The following KLF17 variants were observed in gnomAD, a reference collection of about 807,000 sequenced individuals.
KLF17 encodes KLF transcription factor 17, also known as Krueppel-like factor 17.
KLF17 carries 31 observed loss-of-function variants against 34.2 expected under a neutral mutation model. The ratio of observed to expected loss-of-function variants is 0.91; its 90% CI spans 0.68 to 1.22. The LOEUF is 1.22. KLF17 is among the 50% of genes most tolerant of loss of function. The pLI is 0.00. For synonymous variants in KLF17, 179 were observed against 186.7 expected (o/e 0.96, Z 0.34); for missense variants, 478 against 505.2 (o/e 0.95, Z 0.52).
At chr1:44,124,021 T>C (rs2154311510) in intron 1 of KLF17, among the ~76,000 whole-genome samples, 1 of 152,272 alleles carries the variant, frequency 6.6e-6, no homozygotes, top group South Asian at 2.1e-4. Flanking sequence ...GAATGTCCCA[T>C]GAACACTTTC....
the KLF17 span, chr1:44,104,511 C>A: frequency 5.4e-6 from 4 of 740,710 alleles, no homozygotes; most frequent in Admixed American, 1.8e-5. Flanking sequence ...CTCCTGGGTG[C>A]GCATGGCCTG....
At chr1:44,080,873 C>T in the KLF17 span, among the ~76,000 whole-genome samples, 33 of 151,472 alleles carry the variant, frequency 2.2e-4, no homozygotes, top group Non-Finnish European at 3.7e-4. Context: ...TGCCACCATG[C>T]GTGGCTAATT....
intron 1 of KLF17, among the ~76,000 whole-genome samples, chr1:44,125,867 C>A (rs951919317): frequency 2.0e-5 from 3 of 151,978 alleles, no homozygotes; most frequent in Non-Finnish European, 2.9e-5. Flanking sequence ...ATCTGGAAGT[C>A]TCTTCAGTGG....
chr1:44,075,289 G>A, the KLF17 span, among the ~76,000 whole-genome samples: 1 of 152,076 alleles, frequency 6.6e-6, no homozygotes, highest in Non-Finnish European at 1.5e-5. Context: ...TCTCAATCTG[G>A]TGTTTGATAC....
At chr1:44,051,050 G>C in the KLF17 span, 1 of 151,950 alleles carries the variant, frequency 6.6e-6, no homozygotes, top group Non-Finnish European at 1.5e-5. Flanking sequence ...CCAAACATGC[G>C]GCAGAAGAGA....
intron 2 of KLF17, 131 bp downstream of exon 2, chr1:44,130,327 C>T: frequency 6.9e-7 from 1 of 1,439,534 alleles, no homozygotes; most frequent in Non-Finnish European, 9.4e-7. Context: ...AGACTGGCCC[C>T]CCGACTTGCC....
At chr1:44,056,606 G>T in the KLF17 span, among the ~76,000 whole-genome samples, 1 of 152,072 alleles carries the variant, frequency 6.6e-6, no homozygotes, top group South Asian at 2.1e-4. Context: ...CCCTAATTTA[G>T]AAAAAAACTT....
the KLF17 span, among the ~76,000 whole-genome samples, chr1:44,100,751 GT>G: frequency 6.6e-6 from 1 of 151,934 alleles, no homozygotes; most frequent in African/African-American, 2.4e-5. Flanking sequence ...TGCCTCCTGG[GT>G]CCAAGCAATT....
the KLF17 span, among the ~76,000 whole-genome samples, chr1:44,055,367 A>T: frequency 6.6e-6 from 1 of 152,170 alleles, no homozygotes; most frequent in Non-Finnish European, 1.5e-5. Context: ...AGTAACAGGG[A>T]TTGATGGCCA....
the KLF17 span, chr1:44,105,249 G>T: frequency 6.6e-6 from 1 of 152,212 alleles, no homozygotes. Flanking sequence ...TGACCTGAGG[G>T]AAGTCTCGTA....
chr1:44,069,082 A>C, the KLF17 span, among the ~76,000 whole-genome samples: 12 of 152,036 alleles, frequency 7.9e-5, no homozygotes. This position sits in a 1 kb window ranked among gnomAD's most constrained non-coding sequence, Gnocchi z 4.7. Context: ...ACTCATGTGG[A>C]GAGGTAAAAG....
At chr1:44,091,961 A>ACACACTCTCT in the KLF17 span, among the ~76,000 whole-genome samples, 2 of 116,554 alleles carry the variant, frequency 1.7e-5, no homozygotes, top group African/African-American at 7.1e-5. Flanking sequence ...ACACACACAC[A>ACACACTCTCT]CTCTCTCTCT....
the KLF17 span, among the ~76,000 whole-genome samples, chr1:44,065,263 G>A: frequency 6.6e-6 from 1 of 151,492 alleles, no homozygotes; most frequent in African/African-American, 2.4e-5. Context: ...ATTCCAGCCT[G>A]GGCGACAGAG....
At chr1:44,117,460 ATTTTATTTATTTTATTTTAT>A (rs1417121372), upstream of KLF17, 3 of 141,324 alleles carry the variant, frequency 2.1e-5, no homozygotes, top group Non-Finnish European at 3.1e-5. Context: ...ATTTTATTTT[ATTTTATTTATTTTATTTTAT>A]TTTATTTTAT....
the KLF17 span, among the ~76,000 whole-genome samples, chr1:44,045,811 C>T: frequency 6.6e-6 from 1 of 152,116 alleles, no homozygotes; most frequent in African/African-American, 2.4e-5. Flanking sequence ...TAGCCCTGAG[C>T]CCATTTTCAT....
the KLF17 span, among the ~76,000 whole-genome samples, chr1:44,059,174 G>A: frequency 6.6e-6 from 1 of 152,172 alleles, no homozygotes; most frequent in East Asian, 1.9e-4. Context: ...GACCTCTGCT[G>A]CCTATTTAAA....
upstream of KLF17, among the ~76,000 whole-genome samples, chr1:44,116,593 C>A (rs1381126911): frequency 6.6e-6 from 1 of 152,172 alleles, no homozygotes; most frequent in African/African-American, 2.4e-5. Flanking sequence ...CTTGGCAGCC[C>A]AGTCCAATCA....
chr1:44,054,440 C>T, the KLF17 span, among the ~76,000 whole-genome samples: 4 of 150,802 alleles, frequency 2.7e-5, no homozygotes, highest in Admixed American at 6.6e-5. Flanking sequence ...AGAGTCCCAC[C>T]ACTTGCTGGA....
intron 1 of KLF17, among the ~76,000 whole-genome samples, chr1:44,124,274 AT>A (rs35585037): frequency 0.43 from 62,670 of 145,304 alleles, 13,403 homozygotes; most frequent in African/African-American, 0.53. Context: ...TTTTTGTTTG[AT>A]TTTTTTTTTT....
Sources: allele counts gnomAD v4.1 joint callset (sites outside exome capture counted in the v4.1 genomes callset), GRCh38; gene constraint gnomAD v4.1.1; non-coding constraint Gnocchi (gnomAD v3.1); transcripts MANE v1.5; gene names NCBI Gene and HGNC (gene_info 2026-07-23, HGNC 2026-07-21).